Variants in TMEM117 observed in about 807,000 individuals in gnomAD.
TMEM117 encodes transmembrane protein 117.
Under a neutral mutation model 52.4 loss-of-function variants are expected in TMEM117, and 27 were observed. That is an observed-to-expected ratio of 0.51 (90% confidence interval 0.38 to 0.71). The LOEUF (loss-of-function observed/expected upper bound fraction) is 0.71. Among genes scored for constraint, TMEM117 ranks in the 30% least tolerant of loss-of-function variants. TMEM117 has a pLI of 0.00. For synonymous variants in TMEM117, 215 were observed against 206.3 expected (o/e 1.04, Z -0.36); for missense variants, 556 against 630.5 (o/e 0.88, Z 1.26).
At chr12:44,265,824 G>A (rs1210089099) in intron 5 of TMEM117, among the ~76,000 whole-genome samples, 1 of 151,992 alleles carries the variant, frequency 6.6e-6, no homozygotes, top group Non-Finnish European at 1.5e-5. Context: ...ACCTATTCTG[G>A]ATATTTCGAT....
intron 3 of TMEM117, among the ~76,000 whole-genome samples, chr12:44,049,185 C>A (rs1250357315): frequency 6.6e-6 from 1 of 152,118 alleles, no homozygotes; most frequent in East Asian, 1.9e-4. Context: ...CAATGATAGA[C>A]TGGATAAAGC....
the TMEM117 span, among the ~76,000 whole-genome samples, chr12:43,828,669 A>G: frequency 1.3e-5 from 2 of 152,140 alleles, no homozygotes; most frequent in African/African-American, 4.8e-5. Context: ...ATCCTCCTCT[A>G]TTCTGAGTCC....
chr12:44,103,960 G>A lies in TMEM117; in HGVS notation c.411-39565G>A, dbSNP rs183353755. ...AGAGAACTATGTAATGTTCATTATC[G>A]CAGTTTCATTGTGAATCAACAAACC... On this transcript the variant is annotated intron_variant, in intron 3 of 7. Coordinates refer to ENST00000266534, the MANE Select transcript of TMEM117 (RefSeq NM_032256.3). Among the ~76,000 whole-genome samples, 675 of 151,496 alleles carry A rather than the reference G, an allele frequency of 4.5e-3. 7 individuals are homozygous for A. Among genetic ancestry groups the A allele is most frequent in the African/African-American group, 0.015 (633 of 41,304 alleles).
At chr12:43,891,367 A>ATTTGTTTTTTTTTTTTT (rs1944100362) in intron 2 of TMEM117, among the ~76,000 whole-genome samples, 1 of 57,802 alleles carries the variant, frequency 1.7e-5, no homozygotes, top group Non-Finnish European at 3.1e-5. Context: ...TACCTCTTGA[A>ATTTGTTTTTTTTTTTTT]TTTTTTTTTT....
At chr12:44,054,381 T>A (rs1395727316) in intron 3 of TMEM117, among the ~76,000 whole-genome samples, 1 of 152,194 alleles carries the variant, frequency 6.6e-6, no homozygotes, top group Non-Finnish European at 1.5e-5. Flanking sequence ...TGCTCTTTTT[T>A]ATAATCCTGA....
At chr12:43,932,930 T>G (rs576393013) in intron 2 of TMEM117, among the ~76,000 whole-genome samples, 1 of 152,226 alleles carries the variant, frequency 6.6e-6, no homozygotes, top group African/African-American at 2.4e-5. Flanking sequence ...AATGCATAGG[T>G]ACAAATAATA....
chr12:44,277,059 T>C (rs1283063789), intron 5 of TMEM117, among the ~76,000 whole-genome samples: 1 of 152,104 alleles, frequency 6.6e-6, no homozygotes, highest in Non-Finnish European at 1.5e-5. Flanking sequence ...TTCTTTCTCG[T>C]GAAATTTTGG....
chr12:43,797,526 A>T, the TMEM117 span: 5 of 1,386,318 alleles, frequency 3.6e-6, no homozygotes, highest in Non-Finnish European at 4.9e-6. Context: ...TAATAAAAAG[A>T]CCAAGAGATA....
At chr12:44,235,741 TAC>T (rs911929756) in intron 5 of TMEM117, among the ~76,000 whole-genome samples, 8 of 151,760 alleles carry the variant, frequency 5.3e-5, no homozygotes, top group Non-Finnish European at 1.0e-4. Flanking sequence ...TTCCTTAAAG[TAC>T]AGGTCTGTTA....
intron 1 of TMEM117, among the ~76,000 whole-genome samples, chr12:43,843,675 A>G (rs935351623): frequency 6.6e-6 from 1 of 152,184 alleles, no homozygotes; most frequent in Non-Finnish European, 1.5e-5. Flanking sequence ...CTAGTAAAAA[A>G]ATTCTACTAA....
intron 3 of TMEM117, among the ~76,000 whole-genome samples, chr12:44,059,334 A>C (rs535128636): frequency 6.6e-6 from 1 of 152,320 alleles, no homozygotes; most frequent in Non-Finnish European, 1.5e-5. Flanking sequence ...TCCCTTTAAG[A>C]TTAAAAAGAA....
chr12:43,865,234 G>T (rs1188612226), intron 2 of TMEM117, among the ~76,000 whole-genome samples: 2 of 152,144 alleles, frequency 1.3e-5, no homozygotes, highest in Non-Finnish European at 2.9e-5. Flanking sequence ...GCTGTCTACT[G>T]CAGTAAAGAC....
At chr12:44,201,452 CAA>C (rs1332779470) in intron 4 of TMEM117, among the ~76,000 whole-genome samples, 1 of 151,926 alleles carries the variant, frequency 6.6e-6, no homozygotes, top group Non-Finnish European at 1.5e-5. Context: ...GATAAGATTC[CAA>C]AAAGACTGAA....
chr12:44,153,278 A>T (rs1948781088), intron 4 of TMEM117, among the ~76,000 whole-genome samples: 1 of 152,050 alleles, frequency 6.6e-6, no homozygotes, highest in South Asian at 2.1e-4. Flanking sequence ...TTGGAATATA[A>T]CCCAGGCAAT....
At chr12:44,142,422 A>T (rs1375043348) in intron 3 of TMEM117, among the ~76,000 whole-genome samples, 2 of 152,182 alleles carry the variant, frequency 1.3e-5, no homozygotes, top group African/African-American at 4.8e-5. Flanking sequence ...AACTAGTTAA[A>T]TATCTGTTTA....
At chr12:44,149,946 T>G (rs745561764) in intron 4 of TMEM117, among the ~76,000 whole-genome samples, 9 of 152,158 alleles carry the variant, frequency 5.9e-5, no homozygotes, top group Non-Finnish European at 1.0e-4. Flanking sequence ...GCAAACTCAT[T>G]GGACACATGT....
chr12:44,379,914 A>G (rs529881755), intron 7 of TMEM117, among the ~76,000 whole-genome samples: 2 of 152,148 alleles, frequency 1.3e-5, no homozygotes, highest in Non-Finnish European at 2.9e-5. Flanking sequence ...GACAAACGTT[A>G]ATGTGTATTG....
At chr12:44,051,591 A>G (rs1400260186) in intron 3 of TMEM117, among the ~76,000 whole-genome samples, 9 of 152,250 alleles carry the variant, frequency 5.9e-5, no homozygotes. Context: ...GCAACCATTT[A>G]AAGGCATCTA....
intron 3 of TMEM117, among the ~76,000 whole-genome samples, chr12:43,969,974 T>A (rs1312772235): frequency 6.6e-6 from 1 of 152,212 alleles, no homozygotes; most frequent in South Asian, 2.1e-4. Context: ...TGGCCAACCA[T>A]GATCTGAGAA....
Sources: gnomAD v4.1 joint callset for allele counts (sites outside exome capture counted in the v4.1 genomes callset) on GRCh38, gnomAD v4.1.1 for gene constraint, MANE v1.5 for transcripts, NCBI Gene and HGNC (gene_info 2026-07-23, HGNC 2026-07-21) for gene names.